The following PDE1A variants were observed in gnomAD, a reference collection of about 807,000 sequenced individuals.
PDE1A encodes the protein dual specificity calcium/calmodulin-dependent 3',5'-cyclic nucleotide phosphodiesterase 1A.
A neutral mutation model predicts 61.7 loss-of-function variants in PDE1A; 35 were observed. That is an observed-to-expected ratio of 0.57 (90% confidence interval 0.43 to 0.75). The LOEUF (loss-of-function observed/expected upper bound fraction) is 0.75, where lower values mean the gene tolerates loss of function less well. Among genes scored for constraint, PDE1A ranks in the 30% least tolerant of loss-of-function variants. The probability of loss-of-function intolerance (pLI) is 0.00; values close to 1 mark genes in which losing one functional copy is unlikely to be tolerated. For synonymous variants in PDE1A, 232 were observed against 213.2 expected (o/e 1.09, Z -0.77); for missense variants, 597 against 630.6 (o/e 0.95, Z 0.57).
At chr2:182,447,687 C>T (rs757119218) in intron 2 of PDE1A, among the ~76,000 whole-genome samples, 7 of 152,068 alleles carry the variant, frequency 4.6e-5, no homozygotes, top group Non-Finnish European at 1.0e-4. Context: ...AACCATAAAT[C>T]TATCTATACT....
intron 2 of PDE1A, among the ~76,000 whole-genome samples, chr2:182,261,509 A>T (rs1185725579): frequency 6.6e-6 from 1 of 152,188 alleles, no homozygotes; most frequent in African/African-American, 2.4e-5. Flanking sequence ...AAAAATTTGG[A>T]GTAAATATTA....
intron 2 of PDE1A, among the ~76,000 whole-genome samples, chr2:182,462,557 G>C (rs1686378240): frequency 6.6e-6 from 1 of 152,040 alleles, no homozygotes; most frequent in East Asian, 2.0e-4. Flanking sequence ...AAAAGGAACA[G>C]AGCATGGGCC....
chr2:182,653,405 G>A, the PDE1A span, among the ~76,000 whole-genome samples: 1 of 151,984 alleles, frequency 6.6e-6, no homozygotes, highest in Non-Finnish European at 1.5e-5. Flanking sequence ...TAATCATTTG[G>A]TTTTTTTCGA....
At chr2:182,201,299 T>G in intron 10 of PDE1A, 140 bp downstream of exon 10, 1 of 940,146 alleles carries the variant, frequency 1.1e-6, no homozygotes, top group Non-Finnish European at 1.6e-6. Flanking sequence ...CTAATAAATT[T>G]TGCTGAAACC....
At chr2:182,532,918 C>T in the PDE1A span, among the ~76,000 whole-genome samples, 1 of 112,298 alleles carries the variant, frequency 8.9e-6, no homozygotes, top group East Asian at 3.2e-4. Flanking sequence ...TGCACTCCAG[C>T]CTGGGGGACA....
chr2:182,406,301 G>T (rs1039634456), intron 1 of PDE1A, among the ~76,000 whole-genome samples: 3 of 151,748 alleles, frequency 2.0e-5, no homozygotes, highest in Non-Finnish European at 2.9e-5. Context: ...CTCATCTTTA[G>T]CATAAACCTA....
At chr2:182,221,162 A>T (rs942860785) in intron 7 of PDE1A, among the ~76,000 whole-genome samples, 2 of 151,844 alleles carry the variant, frequency 1.3e-5, no homozygotes, top group African/African-American at 4.8e-5. Flanking sequence ...GCATAAGTAA[A>T]TCAGGACTCT....
At chr2:182,666,094 G>A in the PDE1A span, among the ~76,000 whole-genome samples, 11 of 152,244 alleles carry the variant, frequency 7.2e-5, 1 homozygote, top group African/African-American at 2.4e-4. Flanking sequence ...AGGATAAATA[G>A]CTAATGCATG....
chr2:182,569,748 C>T, the PDE1A span, among the ~76,000 whole-genome samples: 2 of 152,176 alleles, frequency 1.3e-5, no homozygotes, highest in South Asian at 2.1e-4. Flanking sequence ...GATGTTGGAG[C>T]TAACAATTAA....
At chr2:182,544,000 T>C in the PDE1A span, among the ~76,000 whole-genome samples, 1 of 152,228 alleles carries the variant, frequency 6.6e-6, no homozygotes, top group Non-Finnish European at 1.5e-5. Flanking sequence ...TGTCATGATA[T>C]TGAATGTCTT....
the PDE1A span, among the ~76,000 whole-genome samples, chr2:182,588,227 G>A: frequency 3.3e-5 from 5 of 152,150 alleles, no homozygotes; most frequent in Admixed American, 6.6e-5. Flanking sequence ...AGAGCGCTGG[G>A]TAAAATAAAA....
At chr2:182,154,871 C>T (rs1267092242) in intron 13 of PDE1A, among the ~76,000 whole-genome samples, 2 of 152,052 alleles carry the variant, frequency 1.3e-5, no homozygotes, top group Non-Finnish European at 2.9e-5. Flanking sequence ...ATTGAAGGAT[C>T]TACTTTCAAT....
At chr2:182,377,258 T>G (rs1016765811) in intron 1 of PDE1A, among the ~76,000 whole-genome samples, 3 of 152,080 alleles carry the variant, frequency 2.0e-5, no homozygotes, top group Admixed American at 6.5e-5. Context: ...GATAGTGAGT[T>G]CTCATGAGAT....
the PDE1A span, among the ~76,000 whole-genome samples, chr2:182,611,948 G>A: frequency 6.6e-6 from 1 of 152,056 alleles, no homozygotes; most frequent in Non-Finnish European, 1.5e-5. Flanking sequence ...CACCTTCCAT[G>A]CCCTGCTGAC....
chr2:182,377,997 C>T (rs963684334), intron 1 of PDE1A, among the ~76,000 whole-genome samples: 1 of 152,044 alleles, frequency 6.6e-6, no homozygotes, highest in African/African-American at 2.4e-5. Context: ...TAGGTGCCCG[C>T]CACCTCGCCC....
intron 8 of PDE1A, among the ~76,000 whole-genome samples, chr2:182,202,570 G>C (rs773714903): frequency 6.6e-6 from 1 of 152,056 alleles, no homozygotes; most frequent in African/African-American, 2.4e-5. Flanking sequence ...AAGATTCAAC[G>C]CAAGAGGTCC....
At chr2:182,500,808 C>T (rs1689040892) in intron 2 of PDE1A, among the ~76,000 whole-genome samples, 2 of 152,056 alleles carry the variant, frequency 1.3e-5, no homozygotes, top group African/African-American at 4.8e-5. Flanking sequence ...ACATTGTGAC[C>T]CAGCAAATTC....
intron 2 of PDE1A, among the ~76,000 whole-genome samples, chr2:182,515,082 A>G (rs538947077): frequency 8.0e-4 from 122 of 152,272 alleles, no homozygotes; most frequent in African/African-American, 2.9e-3. Context: ...TATGGGTATC[A>G]TTCATTAGCA....
At chr2:182,639,282 G>T in the PDE1A span, among the ~76,000 whole-genome samples, 1 of 152,266 alleles carries the variant, frequency 6.6e-6, no homozygotes, top group East Asian at 1.9e-4. Context: ...ACTCAGGAAA[G>T]AAAGTGAGGA....
Sources: gnomAD v4.1 joint callset for allele counts (sites outside exome capture counted in the v4.1 genomes callset) on GRCh38, gnomAD v4.1.1 for gene constraint, MANE v1.5 for transcripts, NCBI Gene and HGNC (gene_info 2026-07-23, HGNC 2026-07-21) for gene names.